KDR: variants seen among roughly 807,000 people sequenced by gnomAD.
KDR encodes kinase insert domain receptor.
In KDR, 43 loss-of-function variants were observed where a neutral mutation model predicts 160.9. That is an observed-to-expected ratio of 0.27 (90% CI 0.21 to 0.34). The LOEUF is 0.34. Ranked by LOEUF, KDR falls within the 10% of genes least tolerant of loss-of-function variation. The pLI, the probability that KDR is intolerant of heterozygous loss-of-function variation, is 1.00. For synonymous variants in KDR, 617 were observed against 600.1 expected (o/e 1.03, Z -0.41); for missense variants, 1,469 against 1,666.4 (o/e 0.88, Z 2.06).
chr4:55,080,593 C>T (rs936680358), intron 29 of KDR, among the ~76,000 whole-genome samples: 10 of 152,184 alleles, frequency 6.6e-5, no homozygotes, highest in African/African-American at 1.9e-4. Context: ...TTGGGAATTA[C>T]GGGGCATGTG....
intron 23 of KDR, 48 bp from the exon 24 acceptor site, chr4:55,089,850 T>C (rs1450489425): frequency 1.2e-6 from 2 of 1,607,066 alleles, no homozygotes; most frequent in Non-Finnish European, 8.5e-7. Flanking sequence ...AGCAAATATC[T>C]GAAGAAAAAA....
intron 19 of KDR, 98 bp from the exon 20 acceptor site, chr4:55,095,763 G>A (rs759473639): frequency 2.4e-5 from 20 of 817,770 alleles, no homozygotes; most frequent in Admixed American, 1.9e-4. Flanking sequence ...TTAGAAGAAG[G>A]CTACAACCTT....
At chr4:55,098,913 A>G in intron 15 of KDR, 110 bp from the exon 16 acceptor site, 1 of 760,620 alleles carries the variant, frequency 1.3e-6, no homozygotes, top group South Asian at 1.5e-5. Context: ...CAACTTGGAA[A>G]AATCCTAGAG....
intron 5 of KDR, among the ~76,000 whole-genome samples, chr4:55,114,629 G>T (rs577855679): frequency 1.3e-5 from 2 of 152,168 alleles, no homozygotes; most frequent in Admixed American, 1.3e-4. Context: ...AAATGTGCTC[G>T]AGTAATACCA....
intron 6 of KDR, 100 bp downstream of exon 6, chr4:55,114,026 A>AGG: frequency 8.1e-7 from 1 of 1,237,460 alleles, no homozygotes; most frequent in Non-Finnish European, 1.2e-6. Context: ...TAAGGCTCTT[A>AGG]CATTTTATCT....
At chr4:55,120,146 G>C (rs1720832861) in intron 2 of KDR, among the ~76,000 whole-genome samples, 1 of 152,140 alleles carries the variant, frequency 6.6e-6, no homozygotes, top group South Asian at 2.1e-4. Context: ...TATTGGTAAG[G>C]GGCTAGGGTA....
At chr4:55,099,124 T>TC (rs1720245031) in intron 15 of KDR, among the ~76,000 whole-genome samples, 1 of 151,812 alleles carries the variant, frequency 6.6e-6, no homozygotes, top group Non-Finnish European at 1.5e-5. Context: ...CAAGCGATTC[T>TC]CCCCCCTCAG....
At chr4:55,121,334 T>C in intron 1 of KDR, 144 bp from the exon 2 acceptor site, 1 of 671,034 alleles carries the variant, frequency 1.5e-6, no homozygotes, top group Non-Finnish European at 2.7e-6. Flanking sequence ...CTTTTCACCA[T>C]TCTCAGTAAA....
At chr4:55,120,946 T>A (rs567801125) in intron 2 of KDR, 151 bp downstream of exon 2, 1 of 607,010 alleles carries the variant, frequency 1.6e-6, no homozygotes, top group South Asian at 2.0e-5. Context: ...TTCTTCTCAT[T>A]TTCCATTATT....
At chr4:55,097,505 G>A (rs1477984814) in intron 18 of KDR, among the ~76,000 whole-genome samples, 157 bp downstream of exon 18, 1 of 152,086 alleles carries the variant, frequency 6.6e-6, no homozygotes, top group Non-Finnish European at 1.5e-5. Flanking sequence ...CTACAAAGGA[G>A]GATCCTTTTT....
At position 55,079,056 on chromosome 4, in the gene KDR, TATTC is replaced by T; in HGVS notation, c.*881_*884del. On this transcript the variant is annotated 3_prime_UTR_variant, in exon 30 of 30. Coordinates refer to ENST00000263923, the MANE Select transcript of KDR (RefSeq NM_002253.4). ...TATCACATCAGGACAGATATGAGGG[TATTC>T]ATTCCAGAAGAAACCAGAAGCTGGT... The T allele has an allele frequency of 4.3e-6, 1 of 233,248 alleles. No individual in the cohort carries two copies. The allele number at this position is 233,248 out of a possible 1,614,324, so 14.4% of individuals were successfully genotyped here.
At chr4:55,116,254 G>A (rs773107272) in intron 3 of KDR, among the ~76,000 whole-genome samples, 2 of 151,558 alleles carry the variant, frequency 1.3e-5, no homozygotes, top group African/African-American at 4.8e-5. Flanking sequence ...CCATCTCTAC[G>A]AAAAATACAA....
At chr4:55,093,471 G>C (rs898425461) in intron 21 of KDR, among the ~76,000 whole-genome samples, 1 of 152,168 alleles carries the variant, frequency 6.6e-6, no homozygotes, top group East Asian at 1.9e-4. Flanking sequence ...AAATTCGTAA[G>C]TATTTAAAAG....
intron 27 of KDR, among the ~76,000 whole-genome samples, chr4:55,084,773 C>T (rs980769688): frequency 3.7e-4 from 57 of 152,194 alleles, no homozygotes; most frequent in Non-Finnish European, 7.1e-4. Context: ...AAACAGCAGA[C>T]ACAATTGTTC....
intron 21 of KDR, among the ~76,000 whole-genome samples, chr4:55,094,297 C>A (rs1164191781): frequency 2.0e-5 from 3 of 152,034 alleles, no homozygotes; most frequent in East Asian, 1.9e-4. Context: ...TCAAGACTCG[C>A]CTGAGGAAGT....
rs777208249 is a variant in KDR at position 55,079,971 on chromosome 4, C to G, written c.4041G>C (p.Ser1347=). 3 of 1,614,116 alleles carry G rather than the reference C, an allele frequency of 1.9e-6. No individual in the cohort carries two copies. In the Admixed American group the frequency reaches 5.0e-5, roughly 27 times the overall value. Residue 1347 remains serine, a synonymous_variant, in exon 30 of 30, where the codon TCG becomes TCC. Transcript: ENST00000263923. The part of the protein sequence containing the change: ...GSTAQILQPD[S]GTTLSSPPV ...CAGGAGGAGAGCTCAGTGTGGTCCC[C>G]GAGTCAGGCTGGAGAATCTGGGCTG...
intron 4 of KDR, 112 bp downstream of exon 4, chr4:55,115,169 C>T: frequency 1.6e-6 from 2 of 1,248,806 alleles, no homozygotes; most frequent in Admixed American, 3.6e-5. Flanking sequence ...GCATTTGACC[C>T]TTCCTAAAGG....
intron 9 of KDR, among the ~76,000 whole-genome samples, chr4:55,109,826 G>A (rs971417043): frequency 2.0e-5 from 3 of 152,072 alleles, no homozygotes; most frequent in East Asian, 1.9e-4. Flanking sequence ...AGAAAACAAA[G>A]TTCAAATTAT....
intron 13 of KDR, 61 bp from the exon 14 acceptor site, chr4:55,102,569 A>G: frequency 6.3e-7 from 1 of 1,582,362 alleles, no homozygotes. Flanking sequence ...TGGTTCTGGT[A>G]TCAGCAAACT....
Sources: gnomAD v4.1 joint callset for allele counts (sites outside exome capture counted in the v4.1 genomes callset) on GRCh38, gnomAD v4.1.1 for gene constraint, MANE v1.5 for transcripts, NCBI Gene and HGNC (gene_info 2026-07-23, HGNC 2026-07-21) for gene names.